The following C11orf65 variants were observed in gnomAD, a reference collection of about 807,000 sequenced individuals.
C11orf65 encodes the protein protein MFI.
In C11orf65, 38 loss-of-function variants were observed where a neutral mutation model predicts 35.3. The observed-to-expected ratio is 1.08, with a 90% confidence interval of 0.83 to 1.41. The LOEUF is 1.41. Ranked by LOEUF, C11orf65 falls within the 40% of genes most tolerant of loss-of-function variation. The pLI is 0.00. For synonymous variants in C11orf65, 105 were observed against 114.4 expected (o/e 0.92, Z 0.53); for missense variants, 370 against 367.1 (o/e 1.01, Z -0.06).
In C11orf65 at chr11:108,344,979, G is replaced by A. The variant is rs115617687; in HGVS notation, c.227-9687C>T. ...GATCACACCCCTGCACTCCAGTCCA[G>A]GTGACAGAGACCCTGTCACCCTGTC... On this transcript the variant is annotated intron_variant, in intron 2 of 3. Transcript: ENST00000524755. Among the ~76,000 whole-genome samples, 134 of 152,154 alleles carry A rather than the reference G, an allele frequency of 8.8e-4. 1 individual carries two copies. Among genetic ancestry groups the A allele is most frequent in the African/African-American group, 2.9e-3 (120 of 41,522 alleles).
Position 108,310,146 on chromosome 11 carries a change from T to A in C11orf65, c.641-1075A>T, listed in dbSNP as rs1260574403. ...TTAAAAAAGTGAATGACATTATATC[T>A]CATTTTTCTTTAGACCTTCTTCAGG... is the stretch of plus-strand genomic sequence containing the variant. On this transcript the variant is annotated intron_variant, in intron 6 of 6. Transcript: ENST00000525729. 6.2e-7 allele frequency: 1 copy of A among 1,609,904 alleles called. No individual in the cohort carries two copies. The highest frequency in any genetic ancestry group is 1.7e-5 in the Admixed American group (1 of 59,954).
At position 108,396,870 on chromosome 11, in the gene C11orf65, T is replaced by TAAATAAATAAATAAATA. The variant is rs71942809; in HGVS notation, c.561-3493_561-3492insTATTTATTTATTTATTT. Among the ~76,000 whole-genome samples the TAAATAAATAAATAAATA allele has an allele frequency of 5.1e-3, 738 of 144,918 alleles. 9 individuals carry two copies. Among genetic ancestry groups the TAAATAAATAAATAAATA allele is most frequent in the African/African-American group, 0.018 (691 of 39,306 alleles). ...ATAAATAAATAAATAAATAAATAAATAAATAAAATAAAATAGTTACTATTA... is the reference window on the plus strand; with the variant it reads ...ATAAATAAATAAATAAATAAATAAATAAATAAATAAATAAATAAAATAAAATAAAATAGTTACTATTA... On this transcript the variant is annotated intron_variant, in intron 6 of 8. Transcript: ENST00000393084.
chr11:108,339,591 GAAAACAC>G (rs1300449586), intron 2 of C11orf65, among the ~76,000 whole-genome samples: 1 of 152,024 alleles, frequency 6.6e-6, no homozygotes, highest in African/African-American at 2.4e-5. Flanking sequence ...TAGTACCAGA[GAAAACAC>G]TGTCATTTGC....
At chr11:108,324,100 G>T (rs2085430509) in intron 6 of C11orf65, among the ~76,000 whole-genome samples, 1 of 152,064 alleles carries the variant, frequency 6.6e-6, no homozygotes, top group Admixed American at 6.5e-5. Context: ...TATTTACATA[G>T]CATTTACATT....
intron 2 of C11orf65, among the ~76,000 whole-genome samples, chr11:108,350,903 T>G (rs1015612149): frequency 6.6e-6 from 1 of 152,186 alleles, no homozygotes; most frequent in Non-Finnish European, 1.5e-5. Flanking sequence ...GCTGACTTTA[T>G]GTATATCCTG....
At chr11:108,313,521 T>G (rs2084349512) in intron 6 of C11orf65, among the ~76,000 whole-genome samples, 1 of 152,242 alleles carries the variant, frequency 6.6e-6, no homozygotes, top group Non-Finnish European at 1.5e-5. Flanking sequence ...CCTTAATGTT[T>G]TATTAATACT....
intron 3 of C11orf65, chr11:108,331,750 T>A: frequency 7.7e-7 from 1 of 1,298,646 alleles, no homozygotes; most frequent in South Asian, 1.4e-5. Context: ...TTCTCACACA[T>A]GCAGGCATAC....
At position 108,311,060 on chromosome 11, in the gene C11orf65, C is replaced by T. The variant is rs540164923; in HGVS notation, c.641-1989G>A. 7.2e-5 allele frequency among the ~76,000 whole-genome samples: 11 copies of T among 152,224 alleles called. 1 individual carries two copies. The South Asian group carries it at 1.2e-3, about 17-fold the overall frequency. Reference sequence around the variant, plus strand: ...ATAGCTCACTGTAGCCTTGATCTTCCGGGCTCAAGTGATCCTCCTGCCTCA... The same window carrying T: ...ATAGCTCACTGTAGCCTTGATCTTCTGGGCTCAAGTGATCCTCCTGCCTCA... On this transcript the variant is annotated intron_variant, in intron 6 of 6. Coordinates refer to the C11orf65 transcript ENST00000525729.
At chr11:108,441,973 C>T (rs2093161599) in intron 2 of C11orf65, among the ~76,000 whole-genome samples, 1 of 152,170 alleles carries the variant, frequency 6.6e-6, no homozygotes, top group Non-Finnish European at 1.5e-5. Flanking sequence ...TGGAAAATGA[C>T]TTTGATGAGT....
At chr11:108,359,927 G>A (rs562494564) in intron 2 of C11orf65, among the ~76,000 whole-genome samples, 1 of 152,082 alleles carries the variant, frequency 6.6e-6, no homozygotes, top group South Asian at 2.1e-4. Context: ...GTTAGCAGAA[G>A]GCAAGAAATA....
At chr11:108,357,260 G>T (rs1184198072) in intron 2 of C11orf65, among the ~76,000 whole-genome samples, 1 of 152,220 alleles carries the variant, frequency 6.6e-6, no homozygotes, top group Non-Finnish European at 1.5e-5. Flanking sequence ...GGCGCACCAC[G>T]AGATTATATC....
At chr11:108,407,546 T>C (rs1172137085) in intron 3 of C11orf65, among the ~76,000 whole-genome samples, 1 of 151,392 alleles carries the variant, frequency 6.6e-6, no homozygotes, top group Non-Finnish European at 1.5e-5. Context: ...TCTCGAATTC[T>C]TGGCCTCAAG....
downstream of C11orf65, among the ~76,000 whole-genome samples, chr11:108,380,184 G>C (rs994081245): frequency 1.3e-5 from 2 of 152,178 alleles, no homozygotes; most frequent in African/African-American, 4.8e-5. Flanking sequence ...GTTGGCTCAA[G>C]CTAAAACTGC....
At chr11:108,402,931 C>T (rs1291650103) in intron 6 of C11orf65, among the ~76,000 whole-genome samples, 1 of 152,162 alleles carries the variant, frequency 6.6e-6, no homozygotes, top group Admixed American at 6.5e-5. Flanking sequence ...TGTACTGCTG[C>T]GTAGTATTCC....
chr11:108,330,207 A>G (rs1476284330), downstream of C11orf65: 1 of 1,612,844 alleles, frequency 6.2e-7, no homozygotes, highest in South Asian at 1.1e-5. Flanking sequence ...TAATTATTCT[A>G]TGCAAGATAC....
chr11:108,343,344 T>C lies in C11orf65; in HGVS notation c.227-8052A>G, dbSNP rs566485657. 56 of 1,613,958 alleles carry C rather than the reference T, an allele frequency of 3.5e-5. No homozygotes were observed. The East Asian group carries it at 1.1e-3, about 32-fold the overall frequency. On this transcript the variant is annotated intron_variant, in intron 2 of 3. Coordinates refer to the C11orf65 transcript ENST00000524755. ...AAAGATACAGGCCAAATGATTTCAG[T>C]GCCTTTCAGTGCCAAAAGAAAATGA...
chr11:108,392,124 T>G (rs2092177707), intron 7 of C11orf65, among the ~76,000 whole-genome samples: 1 of 152,116 alleles, frequency 6.6e-6, no homozygotes, highest in Non-Finnish European at 1.5e-5. Flanking sequence ...CATGGCTCAC[T>G]ACAGCATCTA....
chr11:108,322,794 T>C lies in C11orf65; in HGVS notation c.641-13723A>G, dbSNP rs2085330131. 3.3e-5 allele frequency among the ~76,000 whole-genome samples: 5 copies of C among 152,088 alleles called. No homozygotes were observed. The South Asian group carries it at 6.2e-4, about 19-fold the overall frequency. ...TTTTCCCTGGCCCACCCAGATAAAATTGTTTCCTCATGTTTTTGCACAGCA... is the reference window on the plus strand; with the variant it reads ...TTTTCCCTGGCCCACCCAGATAAAACTGTTTCCTCATGTTTTTGCACAGCA... On this transcript the variant is annotated intron_variant, in intron 6 of 6. Coordinates refer to the C11orf65 transcript ENST00000525729.
chr11:108,462,054 T>C (rs940625053), intron 1 of C11orf65, among the ~76,000 whole-genome samples: 5 of 152,222 alleles, frequency 3.3e-5, no homozygotes, highest in Non-Finnish European at 7.3e-5. Flanking sequence ...CACCTTCTTA[T>C]TTTTTAAGAG....
Sources: allele counts gnomAD v4.1 joint callset (sites outside exome capture counted in the v4.1 genomes callset), GRCh38; gene constraint gnomAD v4.1.1; transcripts MANE v1.5; gene names NCBI Gene and HGNC (gene_info 2026-07-23, HGNC 2026-07-21).